R3HCC1L: variants seen among roughly 807,000 people sequenced by gnomAD.
R3HCC1L encodes coiled-coil domain-containing protein R3HCC1L.
A neutral mutation model predicts 59.9 loss-of-function variants in R3HCC1L; 51 were observed. That is an observed-to-expected ratio of 0.85 (90% CI 0.68 to 1.07). The LOEUF is 1.07. Among genes scored for constraint, R3HCC1L ranks in the 50% least tolerant of loss-of-function variants. The pLI, the probability that R3HCC1L is intolerant of heterozygous loss-of-function variation, is 0.00. For synonymous variants in R3HCC1L, 322 were observed against 315.2 expected, an observed-to-expected ratio of 1.02 and a Z score of -0.23; for missense variants, 965 against 933.0, an observed-to-expected ratio of 1.03 and a Z score of -0.45.
At position 98,209,568 on chromosome 10, in the gene R3HCC1L, C is replaced by G; in HGVS notation, c.1454C>G (p.Thr485Ser). ...IKKIAGSNYN[T>S]FLDSELSMLN... is the part of the protein sequence containing the mutation. The stretch of plus-strand genomic sequence containing the variant: ...AAGATTGCTGGTAGTAATTATAACA[C>G]TTTTTTGGACTCTGAACTCAGTATG... The change falls in exon 5 of 10, where the codon ACT (threonine) becomes AGT (serine). Residue 485 changes from threonine (T) to serine (S), a missense_variant. Physicochemically the swap from Thr to Ser is moderately conservative, Grantham distance 58. Coordinates refer to ENST00000298999, the MANE Select transcript of R3HCC1L (RefSeq NM_001351015.2). The G allele has an allele frequency of 6.2e-7, 1 of 1,613,950 alleles. No homozygotes were observed. Among genetic ancestry groups the G allele is most frequent in the South Asian group, 1.1e-5 (1 of 91,084 alleles).
chr10:98,162,158 A>G (rs1036372798), intron 2 of R3HCC1L, among the ~76,000 whole-genome samples: 4 of 151,436 alleles, frequency 2.6e-5, no homozygotes, highest in African/African-American at 9.7e-5. Flanking sequence ...GTATGTCTGC[A>G]TGATTTTCTA....
chr10:98,149,934 TGTATTGCAGTCTA>T (rs1845986114), intron 1 of R3HCC1L, among the ~76,000 whole-genome samples: 1 of 152,214 alleles, frequency 6.6e-6, no homozygotes, highest in Non-Finnish European at 1.5e-5. Context: ...CTATTGTTAC[TGTATTGCAGTCTA>T]TCTCTCCCTT....
At chr10:98,214,625 AT>A (rs769796984) in intron 5 of R3HCC1L, among the ~76,000 whole-genome samples, 2 of 152,138 alleles carry the variant, frequency 1.3e-5, no homozygotes, top group Non-Finnish European at 2.9e-5. Context: ...TCTCATTTAA[AT>A]TTGTTTTACC....
At chr10:98,138,831 G>A (rs1242905055) in intron 1 of R3HCC1L, among the ~76,000 whole-genome samples, 4 of 152,144 alleles carry the variant, frequency 2.6e-5, no homozygotes, top group African/African-American at 9.7e-5. Context: ...TCTGAATTCA[G>A]TTTCTCATCA....
intron 1 of R3HCC1L, among the ~76,000 whole-genome samples, chr10:98,151,961 G>T (rs368282082): frequency 1.1e-4 from 17 of 151,896 alleles, no homozygotes; most frequent in Non-Finnish European, 2.4e-4. Flanking sequence ...CTCTTTCCAC[G>T]GTCTCCCTCG....
intron 4 of R3HCC1L, among the ~76,000 whole-genome samples, chr10:98,181,548 A>G (rs562355595): frequency 2.8e-4 from 42 of 152,122 alleles, no homozygotes; most frequent in African/African-American, 9.6e-4. Flanking sequence ...TATTTCCTGA[A>G]TTTGAATGTT....
chr10:98,232,802 A>G (rs1012333914), intron 6 of R3HCC1L, among the ~76,000 whole-genome samples: 2 of 152,242 alleles, frequency 1.3e-5, no homozygotes, highest in African/African-American at 4.8e-5. Flanking sequence ...AGCAAAAACA[A>G]TACATAAATG....
intron 1 of R3HCC1L, among the ~76,000 whole-genome samples, chr10:98,147,158 T>A (rs556922702): frequency 6.6e-6 from 1 of 152,286 alleles, no homozygotes; most frequent in African/African-American, 2.4e-5. Flanking sequence ...CTCTGATAAA[T>A]AGTGATGTTG....
intron 4 of R3HCC1L, among the ~76,000 whole-genome samples, chr10:98,168,910 G>A (rs1590518341): frequency 6.6e-6 from 1 of 152,302 alleles, no homozygotes; most frequent in East Asian, 1.9e-4. Flanking sequence ...ATTTTCAAAT[G>A]CTTGGAGGAG....
At chr10:98,201,809 G>C (rs1438838553) in intron 4 of R3HCC1L, among the ~76,000 whole-genome samples, 1 of 151,692 alleles carries the variant, frequency 6.6e-6, no homozygotes, top group Non-Finnish European at 1.5e-5. Context: ...CTTCAGCCTT[G>C]ATTTTGCAAA....
At chr10:98,137,206 G>A (rs1290550843) in intron 1 of R3HCC1L, among the ~76,000 whole-genome samples, 2 of 151,638 alleles carry the variant, frequency 1.3e-5, no homozygotes, top group Non-Finnish European at 2.9e-5. Flanking sequence ...CAAGACTCCC[G>A]TCTCAAAAAA....
At chr10:98,212,899 C>G (rs1025970585) in intron 5 of R3HCC1L, among the ~76,000 whole-genome samples, 7 of 152,064 alleles carry the variant, frequency 4.6e-5, no homozygotes, top group African/African-American at 1.7e-4. Flanking sequence ...TTGAGGCCTT[C>G]CCTTGGTTAC....
chr10:98,139,851 T>G (rs1844970563), intron 1 of R3HCC1L, among the ~76,000 whole-genome samples: 1 of 149,614 alleles, frequency 6.7e-6, no homozygotes, highest in African/African-American at 2.4e-5. Context: ...TTCTTGTATC[T>G]TTTTTTTTAA....
intron 4 of R3HCC1L, among the ~76,000 whole-genome samples, chr10:98,170,124 T>C (rs907450185): frequency 2.6e-5 from 4 of 152,180 alleles, no homozygotes; most frequent in Admixed American, 6.5e-5. Flanking sequence ...ATTAACTTCC[T>C]GATTAAACTT....
In R3HCC1L at chr10:98,244,803, G is replaced by A. The variant is rs1469291112; in HGVS notation, c.*645G>A. On this transcript the variant is annotated 3_prime_UTR_variant, in exon 10 of 10. Transcript: ENST00000298999. ...GGGGGGATACCAGCTTCATTCCTCAGAGTAAACCAACCTTGGGAGCTGTGT... is the reference window on the plus strand; with the variant it reads ...GGGGGGATACCAGCTTCATTCCTCAAAGTAAACCAACCTTGGGAGCTGTGT... 6.6e-6 allele frequency: 1 copy of A among 152,298 alleles called. No homozygotes were observed. Among genetic ancestry groups the A allele is most frequent in the Non-Finnish European group, 1.5e-5 (1 of 68,108 alleles). 9.4% of individuals were successfully genotyped at this position (152,298 alleles called of 1,614,324 possible).
At chr10:98,213,059 A>G (rs538984537) in intron 5 of R3HCC1L, among the ~76,000 whole-genome samples, 3 of 152,134 alleles carry the variant, frequency 2.0e-5, no homozygotes, top group South Asian at 2.1e-4. Context: ...CTGTCTCCCT[A>G]TAGTCTTTTG....
At chr10:98,189,731 C>T (rs1850630516) in intron 4 of R3HCC1L, among the ~76,000 whole-genome samples, 1 of 152,128 alleles carries the variant, frequency 6.6e-6, no homozygotes, top group Admixed American at 6.5e-5. Context: ...CGGAAGGATG[C>T]ATTAAGAAAA....
rs1007838427 is a variant in R3HCC1L, at chr10:98,163,490, T to C, written c.-15+93T>C. 1.3e-5 allele frequency: 11 copies of C among 833,590 alleles called. No homozygotes were observed. In the African/African-American group the frequency reaches 1.9e-4, roughly 14 times the overall value. 51.6% of individuals were successfully genotyped at this position (833,590 alleles called of 1,614,324 possible). A position where few individuals can be genotyped will look rare whatever the true frequency, so the allele number is the denominator to read the frequency against. ...TGTATTTTGTTTCTTCAGTTATCAT[T>C]TTATTTTGTAACTGTCATGTAAAAC... On this transcript the variant is annotated intron_variant, in intron 4 of 9. Coordinates refer to ENST00000298999, the MANE Select transcript of R3HCC1L (RefSeq NM_001351015.2).
rs529890622 is a variant in R3HCC1L, at chr10:98,231,085, A to G, written c.1786-427A>G. 8 of 405,560 alleles carry G rather than the reference A, an allele frequency of 2.0e-5. No individual in the cohort carries two copies. The East Asian group carries it at 5.7e-4, about 29-fold the overall frequency. The allele number at this position is 405,560 out of a possible 1,614,324, so 25.1% of individuals were successfully genotyped here. A position where few individuals can be genotyped will look rare whatever the true frequency, so the allele number is the denominator to read the frequency against. ...GAATTTTATTTAAAAACTTTTTTTC[A>G]TTTTTGTTCACTTCCAGAAAAGAAA... On this transcript the variant is annotated intron_variant, in intron 5 of 9. Transcript: ENST00000298999.
Sources: gnomAD v4.1 joint callset for allele counts (sites outside exome capture counted in the v4.1 genomes callset) on GRCh38, gnomAD v4.1.1 for gene constraint, MANE v1.5 for transcripts, NCBI Gene and HGNC (gene_info 2026-07-23, HGNC 2026-07-21) for gene names.